Variants in OSBPL10 observed in about 807,000 individuals in gnomAD.
OSBPL10 encodes oxysterol-binding protein-related protein 10.
A neutral mutation model predicts 81.7 loss-of-function variants in OSBPL10; 49 were observed. The observed-to-expected ratio is 0.60, with a 90% CI of 0.48 to 0.76. The LOEUF is 0.76. OSBPL10 is among the 30% of genes least tolerant of loss of function. The probability of loss-of-function intolerance (pLI) is 0.00; values close to 1 mark genes in which losing one functional copy is unlikely to be tolerated. For missense variants in OSBPL10, 923 were observed against 987.8 expected, an observed-to-expected ratio of 0.93 and a Z score of 0.88; for synonymous variants, 419 against 383.6, an observed-to-expected ratio of 1.09 and a Z score of -1.08.
intron 4 of OSBPL10, among the ~76,000 whole-genome samples, chr3:31,787,843 C>T (rs1036681485): frequency 1.3e-5 from 2 of 151,930 alleles, no homozygotes; most frequent in Non-Finnish European, 2.9e-5. Flanking sequence ...TGGCAAATGG[C>T]ATAAATACCC....
chr3:31,746,309 C>A (rs948408155), intron 5 of OSBPL10, among the ~76,000 whole-genome samples: 1 of 152,074 alleles, frequency 6.6e-6, no homozygotes, highest in African/African-American at 2.4e-5. Context: ...AGGCAATGTG[C>A]GTTGTCTGTC....
chr3:31,816,830 A>T (rs1473246946), intron 4 of OSBPL10, among the ~76,000 whole-genome samples: 1 of 152,146 alleles, frequency 6.6e-6, no homozygotes, highest in African/African-American at 2.4e-5. Flanking sequence ...AGTTCTCTGC[A>T]GAGAGAAGGC....
At chr3:32,058,307 C>T (rs1699728201) in intron 1 of OSBPL10, among the ~76,000 whole-genome samples, 1 of 152,066 alleles carries the variant, frequency 6.6e-6, no homozygotes, top group Non-Finnish European at 1.5e-5. Context: ...ATGGGTTTCT[C>T]TGTACTATTC....
rs190908859 is a variant in OSBPL10, at chr3:31,711,980, G to C, written c.1096-9472C>G. ...CAGGGTGATCAGAGGGGCTCACACA[G>C]AGAAGGCAGACTCTGGGCTGGGTGT... On this transcript the variant is annotated intron_variant, in intron 6 of 11. Coordinates refer to ENST00000396556, the MANE Select transcript of OSBPL10 (RefSeq NM_017784.5). Among the ~76,000 whole-genome samples, 105 of 152,308 alleles carry C rather than the reference G, an allele frequency of 6.9e-4. 1 individual carries two copies. Among genetic ancestry groups the C allele is most frequent in the African/African-American group, 2.4e-3 (100 of 41,582 alleles).
intron 1 of OSBPL10, among the ~76,000 whole-genome samples, chr3:31,888,875 G>C (rs1403283729): frequency 2.6e-5 from 4 of 152,148 alleles, no homozygotes; most frequent in Non-Finnish European, 5.9e-5. Flanking sequence ...AGTGAGCCGA[G>C]ATCACGTCAC....
intron 4 of OSBPL10, among the ~76,000 whole-genome samples, chr3:31,813,046 A>G (rs1183903688): frequency 6.6e-6 from 1 of 152,230 alleles, no homozygotes; most frequent in African/African-American, 2.4e-5. Context: ...TCTCTCCAAT[A>G]TAAGAAATAT....
At chr3:31,948,320 C>T (rs1044545214) in intron 1 of OSBPL10, among the ~76,000 whole-genome samples, 4 of 152,166 alleles carry the variant, frequency 2.6e-5, no homozygotes, top group Non-Finnish European at 4.4e-5. Context: ...TCTCTGGAAA[C>T]CATCCAGGAA....
chr3:31,990,218 G>C, intron 2 of OSBPL10: 1 of 1,613,868 alleles, frequency 6.2e-7, no homozygotes, highest in Non-Finnish European at 8.5e-7. Flanking sequence ...AAAGCCTTTA[G>C]TGGGCAGTCA....
At chr3:31,926,598 C>G (rs1387186638) in intron 1 of OSBPL10, among the ~76,000 whole-genome samples, 1 of 152,198 alleles carries the variant, frequency 6.6e-6, no homozygotes, top group Non-Finnish European at 1.5e-5. Flanking sequence ...AAAGCCACCA[C>G]ACTTCAGGAG....
intron 1 of OSBPL10, among the ~76,000 whole-genome samples, chr3:31,957,426 C>G (rs1057199786): frequency 2.6e-5 from 4 of 152,134 alleles, no homozygotes; most frequent in African/African-American, 9.7e-5. Context: ...TGGCGAACAC[C>G]ATTTTTAGTC....
At chr3:31,761,385 T>C (rs1191702130) in intron 4 of OSBPL10, among the ~76,000 whole-genome samples, 4 of 151,140 alleles carry the variant, frequency 2.6e-5, no homozygotes, top group Non-Finnish European at 2.9e-5. Flanking sequence ...GGCAGGAGAA[T>C]TGCTTGAACC....
intron 1 of OSBPL10, among the ~76,000 whole-genome samples, chr3:31,944,870 A>G (rs1231339490): frequency 1.5e-5 from 2 of 130,358 alleles, no homozygotes; most frequent in South Asian, 5.0e-4. Context: ...AAAAAAAAAA[A>G]GGCCAGGCAC....
chr3:31,936,716 A>C (rs1450192588), intron 1 of OSBPL10, among the ~76,000 whole-genome samples: 1 of 152,182 alleles, frequency 6.6e-6, no homozygotes, highest in Non-Finnish European at 1.5e-5. Flanking sequence ...AATAGGTCAA[A>C]TACATAAAAC....
intron 4 of OSBPL10, among the ~76,000 whole-genome samples, chr3:31,768,554 T>TGTA (rs372292303): frequency 0.074 from 521 of 7,046 alleles, 5 homozygotes; most frequent in African/African-American, 0.36. Context: ...AATAAACACA[T>TGTA]GTAATTCTTT....
At position 31,796,243 on chromosome 3, in the gene OSBPL10, G is replaced by C. The variant is rs538883482; in HGVS notation, c.729+33797C>G. 3.0e-5 allele frequency: 6 copies of C among 196,946 alleles called. No individual in the cohort carries two copies. The East Asian group carries it at 7.6e-4, about 25-fold the overall frequency. 12.2% of individuals were successfully genotyped at this position (196,946 alleles called of 1,614,324 possible). A position where few individuals can be genotyped will look rare whatever the true frequency, so the allele number is the denominator to read the frequency against. Reference sequence around the variant, plus strand: ...ATTTGACACAGGAGAGTTCACACTGGAGAAAGGCTTTAAGAGTACAGCAAA... The same window carrying C: ...ATTTGACACAGGAGAGTTCACACTGCAGAAAGGCTTTAAGAGTACAGCAAA... On this transcript the variant is annotated intron_variant, in intron 4 of 11. Coordinates refer to ENST00000396556, the MANE Select transcript of OSBPL10 (RefSeq NM_017784.5).
intron 1 of OSBPL10, among the ~76,000 whole-genome samples, chr3:31,928,762 C>CCAAAAAAAAAAAAAAA (rs768296819): frequency 4.2e-5 from 4 of 95,064 alleles, no homozygotes; most frequent in African/African-American, 9.7e-5. Context: ...GACTTGTCTC[C>CCAAAAAAAAAAAAAAA]AAAAAAAAAA....
chr3:31,907,269 G>A (rs761572745), intron 1 of OSBPL10, among the ~76,000 whole-genome samples: 10 of 152,020 alleles, frequency 6.6e-5, no homozygotes, highest in South Asian at 2.1e-4. Flanking sequence ...TTATTTTGTC[G>A]TCTTAAAAAT....
At chr3:31,765,315 C>T (rs1698163356) in intron 4 of OSBPL10, among the ~76,000 whole-genome samples, 1 of 152,094 alleles carries the variant, frequency 6.6e-6, no homozygotes, top group South Asian at 2.1e-4. Flanking sequence ...GGATTACAGC[C>T]ATGAGTCACT....
chr3:31,697,594 A>T (rs1035616713), intron 7 of OSBPL10, among the ~76,000 whole-genome samples: 3 of 152,212 alleles, frequency 2.0e-5, no homozygotes, highest in African/African-American at 7.2e-5. Context: ...GCAATTAATA[A>T]TAATAATTAT....
Sources: gnomAD v4.1 joint callset for allele counts (sites outside exome capture counted in the v4.1 genomes callset) on GRCh38, gnomAD v4.1.1 for gene constraint, MANE v1.5 for transcripts, NCBI Gene and HGNC (gene_info 2026-07-23, HGNC 2026-07-21) for gene names.